SDK1: variants seen among roughly 807,000 people sequenced by gnomAD.
SDK1 encodes sidekick cell adhesion molecule 1.
SDK1 carries 157 observed loss-of-function variants against 245.5 expected under a neutral mutation model. The ratio of observed to expected loss-of-function variants is 0.64; its 90% CI spans 0.56 to 0.73. The LOEUF (loss-of-function observed/expected upper bound fraction) is 0.73, where lower values mean the gene tolerates loss of function less well. Ranked by LOEUF, SDK1 falls within the 30% of genes least tolerant of loss-of-function variation. The pLI is 0.00. For synonymous variants in SDK1, 1,647 were observed against 1,278.5 expected (o/e 1.29, Z -6.15); for missense variants, 3,583 against 3,002.3 (o/e 1.19, Z -4.52).
chr7:4,023,950 A>G (rs1247879872), intron 17 of SDK1, among the ~76,000 whole-genome samples: 1 of 152,224 alleles, frequency 6.6e-6, no homozygotes, highest in Non-Finnish European at 1.5e-5. Context: ...CTCCTTCTAT[A>G]CATTTTTTGA....
At chr7:3,900,032 T>A (rs889814848) in intron 5 of SDK1, among the ~76,000 whole-genome samples, 2 of 152,242 alleles carry the variant, frequency 1.3e-5, no homozygotes, top group African/African-American at 4.8e-5. Context: ...CGGATACCAG[T>A]GTATGACACT....
At chr7:3,345,836 T>C (rs1780477617) in intron 1 of SDK1, among the ~76,000 whole-genome samples, 1 of 152,228 alleles carries the variant, frequency 6.6e-6, no homozygotes, top group Admixed American at 6.5e-5. Context: ...TTTGATCCTT[T>C]ATGATGCAGG....
intron 5 of SDK1, among the ~76,000 whole-genome samples, chr7:3,922,172 G>C (rs1187769795): frequency 6.6e-6 from 1 of 152,192 alleles, no homozygotes; most frequent in Non-Finnish European, 1.5e-5. Flanking sequence ...CTGCCTTTTA[G>C]TTAAGACGCC....
At chr7:3,493,459 A>G (rs1180146172) in intron 1 of SDK1, among the ~76,000 whole-genome samples, 1 of 152,132 alleles carries the variant, frequency 6.6e-6, no homozygotes, top group East Asian at 1.9e-4. Flanking sequence ...TATTACTTCT[A>G]GTGTGGTGTG....
At chr7:3,431,244 C>T (rs1467981626) in intron 1 of SDK1, among the ~76,000 whole-genome samples, 1 of 151,988 alleles carries the variant, frequency 6.6e-6, no homozygotes, top group Non-Finnish European at 1.5e-5. Flanking sequence ...ACCATACATG[C>T]TCTGCTTCCA....
intron 35 of SDK1, among the ~76,000 whole-genome samples, chr7:4,183,550 G>A (rs565529769): frequency 1.3e-4 from 20 of 150,552 alleles, no homozygotes; most frequent in South Asian, 2.1e-4. Flanking sequence ...CAGGAGAATC[G>A]CTTGAACCGG....
chr7:4,257,652 T>C (rs1787713729), intron 44 of SDK1, among the ~76,000 whole-genome samples: 1 of 152,158 alleles, frequency 6.6e-6, no homozygotes. Context: ...CCTCCCTAAA[T>C]AGCAAGAAGG....
chr7:3,567,284 GGTT>G (rs1371660872), intron 1 of SDK1, among the ~76,000 whole-genome samples: 1 of 152,150 alleles, frequency 6.6e-6, no homozygotes, highest in Non-Finnish European at 1.5e-5. Flanking sequence ...CGGCTTCGTG[GGTT>G]GTTGTGAGAA....
At chr7:3,597,012 T>A (rs1023202161) in intron 1 of SDK1, among the ~76,000 whole-genome samples, 1 of 152,152 alleles carries the variant, frequency 6.6e-6, no homozygotes, top group African/African-American at 2.4e-5. Context: ...GACTCACACC[T>A]GTAACCCCAG....
rs74526692 is a variant in SDK1, at chr7:4,139,292, T to G, written c.4229-6430T>G. 5.7e-3 allele frequency among the ~76,000 whole-genome samples: 868 copies of G among 151,696 alleles called. 7 individuals carry two copies. Among genetic ancestry groups the G allele is most frequent in the African/African-American group, 0.02 (839 of 41,352 alleles). On this transcript the variant is annotated intron_variant, in intron 28 of 44. Coordinates refer to ENST00000404826, the MANE Select transcript of SDK1 (RefSeq NM_152744.4). ...CTAGGGCCAAAGGTGATTTCATGGG[T>G]TTTTTTTTCCTGCTTTTTTTGGGTG...
At chr7:4,001,239 C>T (rs769884322) in intron 14 of SDK1, among the ~76,000 whole-genome samples, 2 of 152,244 alleles carry the variant, frequency 1.3e-5, no homozygotes. Context: ...TGCCAGCTAT[C>T]TCCAGCCTGT....
chr7:3,778,364 T>A (rs1780625855), intron 4 of SDK1, among the ~76,000 whole-genome samples: 1 of 152,258 alleles, frequency 6.6e-6, no homozygotes, highest in Non-Finnish European at 1.5e-5. Context: ...TTAAAACTAA[T>A]GCTTTTGTTA....
Position 4,158,463 on chromosome 7 carries a change from C to G in SDK1, c.4641C>G (p.Thr1547=), listed in dbSNP as rs1177546724. Residue 1547 remains threonine (T), a synonymous_variant, in exon 31 of 45, where the codon ACC becomes ACG. Coordinates refer to ENST00000404826, the MANE Select transcript of SDK1 (RefSeq NM_152744.4). ...ACVVDRLRPF[T]SYKLRLKATN... Reference sequence around the variant, plus strand: ...CACATTGCAGACTGAGGCCCTTCACCTCCTACAAGCTGCGCCTGAAAGCCA... The same window carrying G: ...CACATTGCAGACTGAGGCCCTTCACGTCCTACAAGCTGCGCCTGAAAGCCA... The G allele has an allele frequency of 1.2e-6, 2 of 1,613,406 alleles. No homozygotes were observed. The highest frequency in any genetic ancestry group is 1.7e-6 in the Non-Finnish European group (2 of 1,179,896).
chr7:3,344,211 C>T (rs1448833105), intron 1 of SDK1, among the ~76,000 whole-genome samples: 2 of 152,068 alleles, frequency 1.3e-5, no homozygotes, highest in Non-Finnish European at 2.9e-5. Context: ...CAATGAAACT[C>T]CCTACATGTT....
chr7:3,542,374 C>T lies in SDK1; in HGVS notation c.299-76706C>T, dbSNP rs1779077627. Among the ~76,000 whole-genome samples, 4 of 152,136 alleles carry T rather than the reference C, an allele frequency of 2.6e-5. No individual in the cohort carries two copies. In the South Asian group the frequency reaches 6.2e-4, roughly 24 times the overall value. On this transcript the variant is annotated intron_variant, in intron 1 of 44. Transcript: ENST00000404826. ...GGTCCTTTCAGCCTGTGCCTTGTAG[C>T]GATTTGGGGCATGACCCTTTGCTTT...
At chr7:3,923,450 C>T (rs1050203588) in intron 5 of SDK1, among the ~76,000 whole-genome samples, 2 of 152,162 alleles carry the variant, frequency 1.3e-5, no homozygotes, top group African/African-American at 4.8e-5. Flanking sequence ...CGAGAAGTTG[C>T]CCGGGCTCTA....
At chr7:4,072,833 A>G (rs1035843966) in intron 20 of SDK1, among the ~76,000 whole-genome samples, 1 of 152,124 alleles carries the variant, frequency 6.6e-6, no homozygotes, top group African/African-American at 2.4e-5. Flanking sequence ...GTCTGTGGTG[A>G]GCACCCCCAG....
intron 17 of SDK1, among the ~76,000 whole-genome samples, chr7:4,046,792 T>C (rs1231012130): frequency 1.3e-5 from 2 of 152,016 alleles, no homozygotes; most frequent in Non-Finnish European, 2.9e-5. Flanking sequence ...GAATCACCTT[T>C]TCAATGTCTA....
intron 1 of SDK1, among the ~76,000 whole-genome samples, chr7:3,438,836 C>G (rs1562486716): frequency 7.8e-6 from 1 of 128,778 alleles, no homozygotes; most frequent in Non-Finnish European, 1.6e-5. Context: ...GTTTTCTTCC[C>G]CTTTGTATTA....
Sources: gnomAD v4.1 joint callset for allele counts (sites outside exome capture counted in the v4.1 genomes callset) on GRCh38, gnomAD v4.1.1 for gene constraint, MANE v1.5 for transcripts, NCBI Gene and HGNC (gene_info 2026-07-23, HGNC 2026-07-21) for gene names.